The following CAPZB variants were observed in gnomAD, a reference collection of about 807,000 sequenced individuals.
CAPZB encodes the protein capping actin protein of muscle Z-line subunit beta.
In CAPZB, 2 loss-of-function variants were observed where a neutral mutation model predicts 38.1. The ratio of observed to expected loss-of-function variants is 0.05; its 90% CI spans 0.02 to 0.17. The LOEUF is 0.17. Among genes scored for constraint, CAPZB ranks in the 10% least tolerant of loss-of-function variants. The pLI, the probability that CAPZB is intolerant of heterozygous loss-of-function variation, is 1.00. For synonymous variants in CAPZB, 107 were observed against 127.4 expected, an observed-to-expected ratio of 0.84 and a Z score of 1.08; for missense variants, 161 against 334.2, an observed-to-expected ratio of 0.48 and a Z score of 4.04.
intron 2 of CAPZB, among the ~76,000 whole-genome samples, chr1:19,411,233 T>C (rs191760748): frequency 1.3e-5 from 2 of 151,918 alleles, no homozygotes; most frequent in Non-Finnish European, 2.9e-5. Flanking sequence ...ATGAAAAAAA[T>C]TTTTTTCCAT....
At chr1:19,464,976 A>G (rs2100754520) in intron 1 of CAPZB, among the ~76,000 whole-genome samples, 1 of 152,342 alleles carries the variant, frequency 6.6e-6, no homozygotes, top group East Asian at 1.9e-4. Flanking sequence ...TGGTGGTGGC[A>G]ACATGATTAG....
chr1:19,381,718 A>G (rs2094176067), intron 3 of CAPZB, among the ~76,000 whole-genome samples: 1 of 117,586 alleles, frequency 8.5e-6, no homozygotes. Context: ...TTTGAGACAG[A>G]GTCTCACTCT....
rs146592710 is a variant in CAPZB at position 19,399,854 on chromosome 1, G to A, written c.94-14228C>T. Among the ~76,000 whole-genome samples the A allele has an allele frequency of 1.2e-4, 19 of 152,302 alleles. 1 individual carries two copies. The highest frequency in any genetic ancestry group is 3.9e-4 in the African/African-American group (16 of 41,552). On this transcript the variant is annotated intron_variant, in intron 2 of 8. Coordinates refer to ENST00000264202, the MANE Select transcript of CAPZB (RefSeq NM_004930.5). ...AAGTTTCATAGTTCAAGACTTGAGAGTTACTCAAAAGTTTGTGTCATCCCT... is the reference window on the plus strand; with the variant it reads ...AAGTTTCATAGTTCAAGACTTGAGAATTACTCAAAAGTTTGTGTCATCCCT...
intron 2 of CAPZB, among the ~76,000 whole-genome samples, chr1:19,395,994 C>G (rs921578679): frequency 6.6e-6 from 1 of 152,240 alleles, no homozygotes; most frequent in Non-Finnish European, 1.5e-5. Flanking sequence ...CATGTCTATC[C>G]AGACCACCTT....
intron 1 of CAPZB, among the ~76,000 whole-genome samples, chr1:19,432,303 G>A (rs1291551111): frequency 2.0e-5 from 3 of 151,926 alleles, no homozygotes; most frequent in Non-Finnish European, 4.4e-5. Flanking sequence ...TTAGCCAGGC[G>A]TGGTGGTGTA....
chr1:19,395,852 G>A (rs1250752476), intron 2 of CAPZB, among the ~76,000 whole-genome samples: 1 of 152,218 alleles, frequency 6.6e-6, no homozygotes, highest in Admixed American at 6.5e-5. Context: ...CTTGGACTTA[G>A]TGCTGAGAAC....
intron 2 of CAPZB, among the ~76,000 whole-genome samples, chr1:19,419,369 G>A (rs1253999479): frequency 1.3e-5 from 2 of 152,184 alleles, no homozygotes; most frequent in African/African-American, 4.8e-5. Context: ...TCCTCACCAC[G>A]TCTAAATGCA....
chr1:19,387,310 GCTAAAGGCACC>G (rs1203352425), intron 2 of CAPZB, among the ~76,000 whole-genome samples: 2 of 152,200 alleles, frequency 1.3e-5, no homozygotes, highest in Non-Finnish European at 2.9e-5. Context: ...GACAGTGCAT[GCTAAAGGCACC>G]CTCTGGTGGC....
intron 6 of CAPZB, among the ~76,000 whole-genome samples, chr1:19,348,226 A>C (rs2093972704): frequency 6.6e-6 from 1 of 151,388 alleles, no homozygotes; most frequent in South Asian, 2.1e-4. Context: ...GTCCTGGCCC[A>C]GCTACATCTG....
intron 8 of CAPZB, among the ~76,000 whole-genome samples, chr1:19,343,124 A>G (rs72651461): frequency 0.25 from 37,449 of 151,980 alleles, 4,874 homozygotes; most frequent in South Asian, 0.32. Flanking sequence ...CTGCCTGGGG[A>G]CTGTGCAGGT....
chr1:19,391,792 T>G (rs1407921707), intron 2 of CAPZB, among the ~76,000 whole-genome samples: 1 of 152,100 alleles, frequency 6.6e-6, no homozygotes, highest in Non-Finnish European at 1.5e-5. Context: ...GAATGCCCGC[T>G]CCAGGCCCGT....
chr1:19,392,338 A>G (rs2094240984), intron 2 of CAPZB, among the ~76,000 whole-genome samples: 1 of 151,918 alleles, frequency 6.6e-6, no homozygotes, highest in Admixed American at 6.6e-5. Flanking sequence ...CTGCAGGGAA[A>G]AATAACAGGG....
chr1:19,447,272 CTTTTT>C (rs35692222), intron 1 of CAPZB, among the ~76,000 whole-genome samples: 18 of 74,888 alleles, frequency 2.4e-4, no homozygotes, highest in South Asian at 1.6e-3. Flanking sequence ...CAGACCTAAT[CTTTTT>C]TTTTTTTTTT....
chr1:19,471,614 C>T (rs978134125), intron 1 of CAPZB, among the ~76,000 whole-genome samples: 9 of 152,088 alleles, frequency 5.9e-5, no homozygotes, highest in Non-Finnish European at 1.2e-4. Context: ...CCTGTAATCC[C>T]AGCACTTTGG....
chr1:19,380,264 C>T (rs1198674813), intron 3 of CAPZB, among the ~76,000 whole-genome samples: 3 of 152,140 alleles, frequency 2.0e-5, no homozygotes, highest in Non-Finnish European at 2.9e-5. Context: ...AGGAATTACA[C>T]TCCTGATCAC....
intron 1 of CAPZB, among the ~76,000 whole-genome samples, chr1:19,421,609 T>G (rs1251127195): frequency 1.3e-5 from 2 of 152,240 alleles, no homozygotes; most frequent in East Asian, 3.8e-4. Flanking sequence ...GCCACAGTGA[T>G]GGGTTTGGCC....
intron 2 of CAPZB, among the ~76,000 whole-genome samples, chr1:19,418,260 C>T (rs1005279988): frequency 1.3e-5 from 2 of 150,028 alleles, no homozygotes; most frequent in Non-Finnish European, 2.9e-5. Context: ...AGGCTTCCAA[C>T]AGGGCAACAA....
At chr1:19,381,117 T>A (rs1045857595) in intron 3 of CAPZB, among the ~76,000 whole-genome samples, 4 of 151,808 alleles carry the variant, frequency 2.6e-5, no homozygotes, top group Non-Finnish European at 5.9e-5. Flanking sequence ...TGCAGTGAGC[T>A]GAGATCGCGC....
chr1:19,339,800 G>A (rs2093918133), intron 8 of CAPZB, among the ~76,000 whole-genome samples, 183 bp from the exon 9 acceptor site: 1 of 152,218 alleles, frequency 6.6e-6, no homozygotes, highest in Non-Finnish European at 1.5e-5. Context: ...GTACATGGCC[G>A]AGACCTGCAC....
Sources: gnomAD v4.1 joint callset for allele counts (sites outside exome capture counted in the v4.1 genomes callset) on GRCh38, gnomAD v4.1.1 for gene constraint, MANE v1.5 for transcripts, NCBI Gene and HGNC (gene_info 2026-07-23, HGNC 2026-07-21) for gene names.